MARK1: variants seen among roughly 807,000 people sequenced by gnomAD.
The protein encoded by MARK1 is microtubule affinity regulating kinase 1, also known as serine/threonine-protein kinase MARK1.
A neutral mutation model predicts 96.3 loss-of-function variants in MARK1; 40 were observed. The ratio of observed to expected loss-of-function variants is 0.42; its 90% CI spans 0.32 to 0.54. The LOEUF is 0.54. MARK1 is among the 20% of genes least tolerant of loss of function. The pLI is 0.16. For synonymous variants in MARK1, 317 were observed against 341.2 expected (o/e 0.93, Z 0.78); for missense variants, 719 against 984.6 (o/e 0.73, Z 3.61).
intron 9 of MARK1, chr1:220,627,066 A>G (rs905768797): frequency 3.7e-6 from 2 of 540,648 alleles, no homozygotes; most frequent in African/African-American, 1.9e-5. Context: ...ACTAACCAGA[A>G]CACGAATGGT....
intron 9 of MARK1, among the ~76,000 whole-genome samples, chr1:220,625,029 G>A (rs370124444): frequency 2.6e-5 from 4 of 152,264 alleles, no homozygotes; most frequent in South Asian, 2.1e-4. Context: ...TAACAACTTC[G>A]TAAGGTGTCT....
At chr1:220,585,571 A>T (rs1171416616) in intron 3 of MARK1, among the ~76,000 whole-genome samples, 1 of 152,152 alleles carries the variant, frequency 6.6e-6, no homozygotes, top group African/African-American at 2.4e-5. Context: ...TAACATACAG[A>T]TGTGCATCCA....
In MARK1 at chr1:220,618,083, A is replaced by G. The variant is rs1425392487; in HGVS notation, c.553-227A>G. On this transcript the variant is annotated intron_variant, in intron 7 of 17. Coordinates refer to ENST00000366917, the MANE Select transcript of MARK1 (RefSeq NM_018650.5). This position sits in a 1 kb window ranked among gnomAD's most constrained non-coding sequence, Gnocchi z 4.6. ...AATAACCTTTCTTAAGTAGTTGCATATATGCATATAAAGAGAGCTTTCCTT... is the reference window on the plus strand; with the variant it reads ...AATAACCTTTCTTAAGTAGTTGCATGTATGCATATAAAGAGAGCTTTCCTT... Among the ~76,000 whole-genome samples the G allele has an allele frequency of 6.6e-6, 1 of 152,206 alleles. No individual in the cohort carries two copies. Among genetic ancestry groups the G allele is most frequent in the Admixed American group, 6.5e-5 (1 of 15,280 alleles).
chr1:220,543,397 T>C (rs1044257831), intron 1 of MARK1, among the ~76,000 whole-genome samples: 1 of 152,204 alleles, frequency 6.6e-6, no homozygotes, highest in African/African-American at 2.4e-5. Flanking sequence ...ATTCAATATA[T>C]TTCCAAAAAT....
intron 3 of MARK1, among the ~76,000 whole-genome samples, chr1:220,582,071 T>C (rs920528645): frequency 1.1e-4 from 17 of 149,480 alleles, no homozygotes; most frequent in African/African-American, 4.1e-4. Flanking sequence ...ACATCTGCTA[T>C]GATTATAGCA....
intron 1 of MARK1, among the ~76,000 whole-genome samples, chr1:220,548,229 T>G (rs1661630181): frequency 6.6e-6 from 1 of 152,230 alleles, no homozygotes; most frequent in Non-Finnish European, 1.5e-5. Context: ...CTGAAGTATA[T>G]CGGAGAGAGG....
intron 11 of MARK1, among the ~76,000 whole-genome samples, chr1:220,634,305 A>G (rs953670384): frequency 6.6e-6 from 1 of 152,208 alleles, no homozygotes; most frequent in Non-Finnish European, 1.5e-5. Flanking sequence ...TGAAGTATGA[A>G]TTGTATCAAA....
intron 17 of MARK1, among the ~76,000 whole-genome samples, chr1:220,658,638 A>C (rs1305163194): frequency 1.3e-5 from 2 of 152,238 alleles, no homozygotes; most frequent in Non-Finnish European, 2.9e-5. Context: ...AGTATTCCAC[A>C]GTATGAAAGG....
In MARK1 at chr1:220,641,300, T is replaced by A. The variant is rs1668254833; in HGVS notation, c.1470+5274T>A. 2.0e-5 allele frequency among the ~76,000 whole-genome samples: 3 copies of A among 152,114 alleles called. No homozygotes were observed. The South Asian group carries it at 6.2e-4, about 32-fold the overall frequency. The stretch of plus-strand genomic sequence containing the variant: ...GTGGTAGTATTAGAAGGCAGGGCCT[T>A]TAGGAGGTGATTAGGTCATGAGGGC... On this transcript the variant is annotated intron_variant, in intron 13 of 17. Transcript: ENST00000366917.
rs188400289 is a variant in MARK1 at position 220,651,945 on chromosome 1, T to C, written c.1572-41T>C. 1.0e-4 allele frequency: 146 copies of C among 1,452,216 alleles called. No homozygotes were observed. In the African/African-American group the frequency reaches 1.6e-3, roughly 16 times the overall value. The allele number at this position is 1,452,216 out of a possible 1,614,324, so 90.0% of individuals were successfully genotyped here. Reference sequence around the variant, plus strand: ...AATTTTAGTAAACCACAAATTTTCCTCTTTTTTTCCATGGTCTTCTCAACT... The same window carrying C: ...AATTTTAGTAAACCACAAATTTTCCCCTTTTTTTCCATGGTCTTCTCAACT... On this transcript the variant is annotated intron_variant, in intron 14 of 17. Transcript: ENST00000366917.
chr1:220,621,554 C>T (rs1667052840), intron 9 of MARK1, among the ~76,000 whole-genome samples: 1 of 151,912 alleles, frequency 6.6e-6, no homozygotes, highest in Non-Finnish European at 1.5e-5. Flanking sequence ...ATAGTTTGTG[C>T]TTCTTCATGT....
chr1:220,587,756 ATATC>A (rs1420095295), intron 3 of MARK1, among the ~76,000 whole-genome samples: 1 of 152,128 alleles, frequency 6.6e-6, no homozygotes, highest in African/African-American at 2.4e-5. Flanking sequence ...TTAATATACT[ATATC>A]TATTTATTTT....
In MARK1 at chr1:220,654,246, A is replaced by G. The variant is rs954296345; in HGVS notation, c.1988+894A>G. Among the ~76,000 whole-genome samples the G allele has an allele frequency of 6.6e-6, 1 of 152,234 alleles. No individual in the cohort carries two copies. The highest frequency in any genetic ancestry group is 1.5e-5 in the Non-Finnish European group (1 of 68,038). On this transcript the variant is annotated intron_variant, in intron 16 of 17. Coordinates refer to ENST00000366917, the MANE Select transcript of MARK1 (RefSeq NM_018650.5). This position sits in a 1 kb window ranked among gnomAD's most constrained non-coding sequence, Gnocchi z 4.0. Reference sequence around the variant, plus strand: ...TCTAGGGAGACAGTGAAGGCACCCTATCATATAATCATTTCAGCTGAGCCT... The same window carrying G: ...TCTAGGGAGACAGTGAAGGCACCCTGTCATATAATCATTTCAGCTGAGCCT...
chr1:220,591,325 A>C (rs1250879522), intron 3 of MARK1, among the ~76,000 whole-genome samples: 1 of 152,208 alleles, frequency 6.6e-6, no homozygotes, highest in African/African-American at 2.4e-5. Flanking sequence ...TGTTTCTGTT[A>C]GTTTTGAGAT....
At chr1:220,535,049 C>G (rs1039868978) in intron 1 of MARK1, among the ~76,000 whole-genome samples, 9 of 151,880 alleles carry the variant, frequency 5.9e-5, no homozygotes. Context: ...CAGAAATGGT[C>G]GTATGTTAGT....
At position 220,658,205 on chromosome 1, in the gene MARK1, T is replaced by C. The variant is rs576292552; in HGVS notation, c.2033+371T>C. 7.0e-4 allele frequency among the ~76,000 whole-genome samples: 106 copies of C among 152,344 alleles called. 1 individual carries two copies. The highest frequency in any genetic ancestry group is 1.0e-3 in the Non-Finnish European group (70 of 68,018). ...CACAGAACAGGGAGATAATTACATG[T>C]AGGAAGATTTGATATTAGTAATATA... On this transcript the variant is annotated intron_variant, in intron 17 of 17. Coordinates refer to ENST00000366917, the MANE Select transcript of MARK1 (RefSeq NM_018650.5).
At chr1:220,536,744 G>T (rs1660720836) in intron 1 of MARK1, among the ~76,000 whole-genome samples, 1 of 152,042 alleles carries the variant, frequency 6.6e-6, no homozygotes, top group South Asian at 2.1e-4. Flanking sequence ...ACCATGGCCG[G>T]CTAATTTTTG....
intron 1 of MARK1, among the ~76,000 whole-genome samples, chr1:220,540,966 C>T (rs570777904): frequency 5.1e-4 from 77 of 151,466 alleles, no homozygotes; most frequent in African/African-American, 1.8e-3. Context: ...TAGAGTCTTG[C>T]TCTGTCATCC....
chr1:220,572,263 C>G (rs1663521804), intron 1 of MARK1, among the ~76,000 whole-genome samples: 1 of 151,652 alleles, frequency 6.6e-6, no homozygotes, highest in African/African-American at 2.4e-5. Context: ...TTTTTGGAGA[C>G]AGAGTTTCAG....
Sources: gnomAD v4.1 joint callset for allele counts (sites outside exome capture counted in the v4.1 genomes callset) on GRCh38, gnomAD v4.1.1 for gene constraint, Gnocchi (gnomAD v3.1) non-coding constraint, MANE v1.5 for transcripts, NCBI Gene and HGNC (gene_info 2026-07-23, HGNC 2026-07-21) for gene names.